The following CNOT7 variants were observed in gnomAD, a reference collection of about 807,000 sequenced individuals.
CNOT7 encodes the protein BTG1-binding factor 1.
A neutral mutation model predicts 37.1 loss-of-function variants in CNOT7; 4 were observed. The ratio of observed to expected loss-of-function variants is 0.11; its 90% CI spans 0.05 to 0.25. The LOEUF (loss-of-function observed/expected upper bound fraction) is 0.25, where lower values mean the gene tolerates loss of function less well. Ranked by LOEUF, CNOT7 falls within the 10% of genes least tolerant of loss-of-function variation. The pLI is 1.00. For missense variants in CNOT7, 170 were observed against 336.2 expected, an observed-to-expected ratio of 0.51 and a Z score of 3.87; for synonymous variants, 128 against 115.6, an observed-to-expected ratio of 1.11 and a Z score of -0.69.
In CNOT7 at chr8:17,229,136, G is replaced by A. The variant is rs2150963852; in HGVS notation, c.*1584C>T. Reference sequence around the variant, plus strand: ...CTAATAATCATCTAGGGTTAATGAAGGAAGTTACTGAATTCTGTTGAGTTG... The same window carrying A: ...CTAATAATCATCTAGGGTTAATGAAAGAAGTTACTGAATTCTGTTGAGTTG... On this transcript the variant is annotated 3_prime_UTR_variant, in exon 7 of 7. Transcript: ENST00000361272. 6.6e-6 allele frequency: 1 copy of A among 151,926 alleles called. No homozygotes were observed. Among genetic ancestry groups the A allele is most frequent in the East Asian group, 1.9e-4 (1 of 5,184 alleles). The allele number at this position is 151,926 out of a possible 1,614,324, so 9.4% of individuals were successfully genotyped here.
At chr8:17,241,779 CAA>C (rs1411630042) in intron 3 of CNOT7, 3 of 152,072 alleles carry the variant, frequency 2.0e-5, no homozygotes, top group Non-Finnish European at 2.9e-5. Flanking sequence ...TTGATAAAAA[CAA>C]GAGTTAAGTT....
At chr8:17,245,509 C>A (rs1474099840) in intron 1 of CNOT7, among the ~76,000 whole-genome samples, 1 of 152,130 alleles carries the variant, frequency 6.6e-6, no homozygotes, top group Non-Finnish European at 1.5e-5. Flanking sequence ...TTATAACTTT[C>A]CACTAATTAT....
intron 3 of CNOT7, among the ~76,000 whole-genome samples, chr8:17,239,967 A>G (rs991465884): frequency 6.6e-6 from 1 of 152,210 alleles, no homozygotes; most frequent in African/African-American, 2.4e-5. Flanking sequence ...TAATTCTTAG[A>G]CTTAGGCAAT....
At chr8:17,240,838 T>C (rs867959329) in intron 3 of CNOT7, among the ~76,000 whole-genome samples, 12 of 152,186 alleles carry the variant, frequency 7.9e-5, no homozygotes, top group African/African-American at 2.7e-4. Flanking sequence ...TTGAGTGGAG[T>C]ACTTTGCACC....
At position 17,237,238 on chromosome 8, in the gene CNOT7, T is replaced by G. The variant is rs746944412; in HGVS notation, c.447A>C (p.Glu149Asp). ...LLMTSGVVLCEGVKWLSFHSG... is the reference protein window; with the variant it reads ...LLMTSGVVLCDGVKWLSFHSG... The stretch of plus-strand genomic sequence containing the variant: ...TATGAAATGACAACCATTTGACCCC[T>G]TCACAGAGGACCACTCCAGAAGTCA... The change falls in exon 4 of 7, where the codon GAA (glutamate) becomes GAC (aspartate). Residue 149 changes from glutamate (E) to aspartate (D), a missense_variant. Transcript: ENST00000361272. 1.9e-5 allele frequency: 30 copies of G among 1,613,992 alleles called. No homozygotes were observed. The highest frequency in any genetic ancestry group is 2.5e-5 in the Non-Finnish European group (30 of 1,179,992).
At chr8:17,246,198 G>A (rs1811028837) in intron 1 of CNOT7, 1 of 152,212 alleles carries the variant, frequency 6.6e-6, no homozygotes, top group Non-Finnish European at 1.5e-5. Flanking sequence ...AGTCCCAGAA[G>A]CCCCGAAGAG....
intron 5 of CNOT7, among the ~76,000 whole-genome samples, chr8:17,234,114 T>C (rs1197586588): frequency 6.6e-6 from 1 of 152,102 alleles, no homozygotes; most frequent in Non-Finnish European, 1.5e-5. Flanking sequence ...AGCGTCAAAA[T>C]GTTACTACTA....
chr8:17,238,787 A>C (rs529118368), intron 3 of CNOT7, among the ~76,000 whole-genome samples: 1 of 152,216 alleles, frequency 6.6e-6, no homozygotes, highest in Non-Finnish European at 1.5e-5. Context: ...GCTTCACCCC[A>C]TACCTGCTTT....
Position 17,234,715 on chromosome 8 carries a change from C to T in CNOT7, c.618+1G>A. The stretch of plus-strand genomic sequence containing the variant: ...GTAGATAATGCCATCCGAAGCCTTA[C>T]TTTGAGATTTTTGCAGCTCTTCATG... On this transcript the variant is annotated splice_donor_variant, in intron 5 of 6. Transcript: ENST00000361272. LOFTEE classifies it high-confidence loss of function. 1 of 1,614,056 alleles carries T rather than the reference C, an allele frequency of 6.2e-7. No individual in the cohort carries two copies. The highest frequency in any genetic ancestry group is 8.5e-7 in the Non-Finnish European group (1 of 1,179,952).
chr8:17,233,368 G>C (rs1250345572), intron 5 of CNOT7, among the ~76,000 whole-genome samples: 2 of 152,172 alleles, frequency 1.3e-5, no homozygotes, highest in South Asian at 2.1e-4. Flanking sequence ...AATAGCACGA[G>C]GATTAGGTAT....
Position 17,229,615 on chromosome 8 carries a change from G to T in CNOT7, c.*1105C>A, listed in dbSNP as rs1454612886. 6.6e-6 allele frequency: 1 copy of T among 151,006 alleles called. No homozygotes were observed. The highest frequency in any genetic ancestry group is 1.5e-5 in the Non-Finnish European group (1 of 67,590). The allele number at this position is 151,006 out of a possible 1,614,324, so 9.4% of individuals were successfully genotyped here. A position where few individuals can be genotyped will look rare whatever the true frequency, so the allele number is the denominator to read the frequency against. On this transcript the variant is annotated 3_prime_UTR_variant, in exon 7 of 7. Coordinates refer to ENST00000361272, the MANE Select transcript of CNOT7 (RefSeq NM_013354.7). ...AAAAAATAAGCATTACACTCCTCAG[G>T]TAATTTTATCAGCTATATATATATA... is the stretch of plus-strand genomic sequence containing the variant.
rs756234601 is a variant in CNOT7, at chr8:17,232,578, T to C, written c.619-41A>G. ...AATTGCTTGTCAAGAAGAAAAATCTTACAAGGCCTAAATTCACAAATTATA... is the reference window on the plus strand; with the variant it reads ...AATTGCTTGTCAAGAAGAAAAATCTCACAAGGCCTAAATTCACAAATTATA... On this transcript the variant is annotated intron_variant, in intron 5 of 6. Transcript: ENST00000361272. 2.6e-6 allele frequency: 4 copies of C among 1,564,240 alleles called. No individual in the cohort carries two copies. In the African/African-American group the frequency reaches 5.5e-5, roughly 21 times the overall value.
rs533511558 is a variant in CNOT7 at position 17,225,636 on chromosome 8, T to G, written c.*5084A>C. 1 of 151,966 alleles carries G rather than the reference T, an allele frequency of 6.6e-6. No individual in the cohort carries two copies. The highest frequency in any genetic ancestry group is 1.9e-4 in the East Asian group (1 of 5,190). 9.4% of individuals were successfully genotyped at this position (151,966 alleles called of 1,614,324 possible). A position where few individuals can be genotyped will look rare whatever the true frequency, so the allele number is the denominator to read the frequency against. On this transcript the variant is annotated 3_prime_UTR_variant, in exon 7 of 7. Coordinates refer to ENST00000361272, the MANE Select transcript of CNOT7 (RefSeq NM_013354.7). ...GGAATTTTCATTCTATGGTGACATT[T>G]TTTTAACTTTCAAAACCTGAAATGA... is the stretch of plus-strand genomic sequence containing the variant.
At chr8:17,233,137 GGAAA>G (rs772739967) in intron 5 of CNOT7, among the ~76,000 whole-genome samples, 4 of 152,024 alleles carry the variant, frequency 2.6e-5, no homozygotes, top group African/African-American at 7.2e-5. Context: ...TGGAAAGAGT[GGAAA>G]GAAAGAAAGA....
intron 3 of CNOT7, among the ~76,000 whole-genome samples, chr8:17,239,706 G>A (rs1013728634): frequency 1.3e-5 from 2 of 151,794 alleles, no homozygotes; most frequent in East Asian, 2.0e-4. Context: ...TGTTAGCCAG[G>A]ATGTTCTCGA....
intron 6 of CNOT7, 70 bp from the exon 7 acceptor site, chr8:17,230,918 C>T: frequency 8.5e-7 from 1 of 1,178,170 alleles, no homozygotes. Context: ...ATTTATATTT[C>T]AGCAATGTAA....
chr8:17,232,416 T>A lies in CNOT7; in HGVS notation c.729+11A>T. 1 of 1,613,770 alleles carries A rather than the reference T, an allele frequency of 6.2e-7. No homozygotes were observed. Among genetic ancestry groups the A allele is most frequent in the East Asian group, 2.2e-5 (1 of 44,858 alleles). On this transcript the variant is annotated intron_variant, in intron 6 of 6. Coordinates refer to ENST00000361272, the MANE Select transcript of CNOT7 (RefSeq NM_013354.7). ...CAACCAACTGAGAAAAAGGCAGTGA[T>A]GTCTTCATACTTCTCTCATTTTGAA...
chr8:17,239,190 C>G (rs1360590087), intron 3 of CNOT7, among the ~76,000 whole-genome samples: 1 of 152,164 alleles, frequency 6.6e-6, no homozygotes, highest in Non-Finnish European at 1.5e-5. Flanking sequence ...GTAGCTGGGA[C>G]TACAGATATG....
intron 4 of CNOT7, among the ~76,000 whole-genome samples, chr8:17,236,816 G>C (rs1039608359): frequency 6.6e-6 from 1 of 152,154 alleles, no homozygotes; most frequent in Non-Finnish European, 1.5e-5. Context: ...CTCAGTGCCT[G>C]CCATATGGTA....
Sources: allele counts gnomAD v4.1 joint callset (sites outside exome capture counted in the v4.1 genomes callset), GRCh38; gene constraint gnomAD v4.1.1; transcripts MANE v1.5; gene names NCBI Gene and HGNC (gene_info 2026-07-23, HGNC 2026-07-21).